Variants in NWD1 observed in about 807,000 individuals in gnomAD.
NWD1 encodes NACHT and WD repeat domain containing 1.
Under a neutral mutation model 135.1 loss-of-function variants are expected in NWD1, and 129 were observed. The ratio of observed to expected loss-of-function variants is 0.96; its 90% CI spans 0.83 to 1.11. The LOEUF (loss-of-function observed/expected upper bound fraction) is 1.11, where lower values mean the gene tolerates loss of function less well. Among genes scored for constraint, NWD1 ranks in the 50% least tolerant of loss-of-function variants. The probability of loss-of-function intolerance (pLI) is 0.00; values close to 1 mark genes in which losing one functional copy is unlikely to be tolerated. For missense variants in NWD1, 1,740 were observed against 1,851.3 expected, an observed-to-expected ratio of 0.94 and a Z score of 1.10; for synonymous variants, 773 against 786.0, an observed-to-expected ratio of 0.98 and a Z score of 0.28.
chr19:16,733,651 A>G (rs1967672142), intron 3 of NWD1, among the ~76,000 whole-genome samples: 1 of 152,150 alleles, frequency 6.6e-6, no homozygotes, highest in Non-Finnish European at 1.5e-5. Flanking sequence ...TCTGCCCACC[A>G]TTGATCATGA....
intron 4 of NWD1, among the ~76,000 whole-genome samples, chr19:16,743,778 G>C (rs1309607160): frequency 6.6e-6 from 1 of 151,906 alleles, no homozygotes; most frequent in South Asian, 2.1e-4. Flanking sequence ...CCTCTCCCGG[G>C]TTCAAGCAAT....
At chr19:16,750,457 C>CT (rs1568352140) in intron 6 of NWD1, 46 bp downstream of exon 6, 2 of 1,401,832 alleles carry the variant, frequency 1.4e-6, no homozygotes, top group South Asian at 1.5e-5. Flanking sequence ...TTTATGTTTT[C>CT]TTTTTTTATT....
chr19:16,752,869 C>T (rs556231546), intron 6 of NWD1, among the ~76,000 whole-genome samples: 37 of 152,080 alleles, frequency 2.4e-4, no homozygotes, highest in Non-Finnish European at 4.0e-4. Context: ...CGTGGTGGCT[C>T]ACACCTGTAG....
intron 5 of NWD1, among the ~76,000 whole-genome samples, chr19:16,746,068 T>C (rs188441126): frequency 1.7e-4 from 26 of 152,212 alleles, no homozygotes; most frequent in Admixed American, 1.5e-3. Context: ...ATCACATAAA[T>C]TGTTGACCAG....
chr19:16,762,144 G>A lies in NWD1; in HGVS notation c.2133+6G>A, dbSNP rs774000646. 4 of 1,610,368 alleles carry A rather than the reference G, an allele frequency of 2.5e-6. No individual in the cohort carries two copies. The Admixed American group carries it at 6.7e-5, about 27-fold the overall frequency. On this transcript the variant is annotated splice_donor_region_variant and intron_variant, in intron 8 of 18. Coordinates refer to ENST00000524140, the MANE Select transcript of NWD1 (RefSeq NM_001007525.5). ...CACTGAACTTGGACCGAAAGGTGAG[G>A]TACCTGGGACCCCCATTCCCCACCT...
At chr19:16,812,702 A>G (rs769484141) in intron 18 of NWD1, 6 of 779,514 alleles carry the variant, frequency 7.7e-6, no homozygotes, top group Non-Finnish European at 1.2e-5. Flanking sequence ...AAACAAACAA[A>G]AAACCCAAGA....
intron 18 of NWD1, chr19:16,812,858 A>G (rs768279885): frequency 6.4e-6 from 5 of 780,904 alleles, no homozygotes; most frequent in Non-Finnish European, 1.2e-5. Context: ...ATGGTGAGTC[A>G]TTTTGCTTTT....
intron 5 of NWD1, among the ~76,000 whole-genome samples, chr19:16,746,675 AC>A (rs144581856): frequency 0.095 from 12,138 of 128,080 alleles, 983 homozygotes; most frequent in African/African-American, 0.26. Context: ...CTGTCTAAAA[AC>A]AAAAAACAAA....
rs1971033751 is a variant in NWD1 at position 16,815,215 on chromosome 19, G to T, written c.*176G>T. The T allele has an allele frequency of 6.3e-6, 5 of 799,356 alleles. No homozygotes were observed. Among genetic ancestry groups the T allele is most frequent in the Non-Finnish European group, 1.1e-5 (5 of 434,868 alleles). The allele number at this position is 799,356 out of a possible 1,614,324, so 49.5% of individuals were successfully genotyped here. ...AGGCAATGTGGATGGTCAAATCCAGGCAGAGAGAGGAGCTAGTTGCAGCTG... is the reference window on the plus strand; with the variant it reads ...AGGCAATGTGGATGGTCAAATCCAGTCAGAGAGAGGAGCTAGTTGCAGCTG... On this transcript the variant is annotated 3_prime_UTR_variant, in exon 19 of 19. Coordinates refer to ENST00000524140, the MANE Select transcript of NWD1 (RefSeq NM_001007525.5).
At chr19:16,740,642 A>ATTTTTT (rs1162769783) in intron 4 of NWD1, among the ~76,000 whole-genome samples, 47 of 112,944 alleles carry the variant, frequency 4.2e-4, no homozygotes, top group African/African-American at 1.5e-3. Context: ...CCAGACTTCT[A>ATTTTTT]TTTTTTTTTT....
chr19:16,807,836 C>A lies in NWD1; in HGVS notation c.3987C>A (p.Ser1329=), dbSNP rs143908337. The A allele has an allele frequency of 1.3e-4, 203 of 1,614,178 alleles. 1 individual carries two copies. Among genetic ancestry groups the A allele is most frequent in the Middle Eastern group, 4.9e-4 (3 of 6,062 alleles). Residue 1329 remains serine (S), a synonymous_variant, in exon 18 of 19, where the codon TCC becomes TCA. Transcript: ENST00000524140. ...DNIVLVLDIT[S]GDPCPVIDGP... The stretch of plus-strand genomic sequence containing the variant: ...TCGTCCTGGTGCTGGACATCACCTC[C>A]GGGGACCCCTGCCCGGTCATCGATG...
rs1352487269 is a variant in NWD1 at position 16,759,328 on chromosome 19, C to T, written c.1873C>T (p.Arg625Cys). The change falls in exon 7 of 19, where the codon CGC (arginine) becomes TGC (cysteine). Residue 625 changes from arginine to cysteine, a missense_variant. Transcript: ENST00000524140. ...GACCCCGCCCAGCAAGGAGCTGCTG[C>T]GCTTCCCGCCCCTGCTGTGGGTGCG... ...DWTPPSKELL[R>C]FPPLLWVRLR... is the part of the protein sequence containing the mutation. 5 of 1,613,918 alleles carry T rather than the reference C, an allele frequency of 3.1e-6. No individual in the cohort carries two copies. The highest frequency in any genetic ancestry group is 4.2e-6 in the Non-Finnish European group (5 of 1,179,870).
At chr19:16,765,216 G>A in intron 10 of NWD1, 24 bp downstream of exon 10, 9 of 1,611,396 alleles carry the variant, frequency 5.6e-6, no homozygotes, top group Non-Finnish European at 7.6e-6. Context: ...GCCTGGATAG[G>A]AGTGACCAGG....
Position 16,744,504 on chromosome 19 carries a change from G to C in NWD1, c.282G>C (p.Leu94=). 6.5e-7 allele frequency: 1 copy of C among 1,536,070 alleles called. No individual in the cohort carries two copies. The highest frequency in any genetic ancestry group is 8.7e-7 in the Non-Finnish European group (1 of 1,146,872). The change falls in exon 5 of 19, where the codon CTG becomes CTC. Residue 94 remains leucine, a synonymous_variant. Transcript: ENST00000524140. ...AGTGGGAGGTATTGAGGGACCATCT[G>C]ACTGCCAGGCCAAGTGACCTGGAGC... ...EKEWEVLRDH[L]TARPSDLELV...
chr19:16,743,109 T>C (rs138574216), intron 4 of NWD1, among the ~76,000 whole-genome samples: 7,376 of 151,912 alleles, frequency 0.049, 269 homozygotes, highest in African/African-American at 0.092. Context: ...GGTTTCACCA[T>C]GTTGGCCAGA....
rs374057081 is a variant in NWD1, at chr19:16,731,424, A to G, written c.81+146A>G. The G allele has an allele frequency of 2.2e-4, 124 of 571,940 alleles. 1 individual carries two copies. In the South Asian group the frequency reaches 2.3e-3, roughly 11 times the overall value. The allele number at this position is 571,940 out of a possible 1,614,324, so 35.4% of individuals were successfully genotyped here. Reference sequence around the variant, plus strand: ...CGGGTTCAAGCGATTCTCCTGCCTCAGCCTCCTGAGTAGCTGGGACTACAG... The same window carrying G: ...CGGGTTCAAGCGATTCTCCTGCCTCGGCCTCCTGAGTAGCTGGGACTACAG... On this transcript the variant is annotated intron_variant, in intron 3 of 18. Coordinates refer to ENST00000524140, the MANE Select transcript of NWD1 (RefSeq NM_001007525.5).
At chr19:16,785,742 A>G (rs1416206427) in intron 12 of NWD1, among the ~76,000 whole-genome samples, 1 of 148,722 alleles carries the variant, frequency 6.7e-6, no homozygotes, top group African/African-American at 2.5e-5. Flanking sequence ...ATATACATAC[A>G]TGAAAGTATA....
chr19:16,729,577 TAA>T (rs537329853), intron 2 of NWD1, among the ~76,000 whole-genome samples: 31 of 124,890 alleles, frequency 2.5e-4, no homozygotes, highest in Non-Finnish European at 2.4e-4. Context: ...TTACAAAAAG[TAA>T]AAAAAAAAAA....
chr19:16,804,420 C>T (rs1464898823), intron 17 of NWD1, among the ~76,000 whole-genome samples: 2 of 151,806 alleles, frequency 1.3e-5, no homozygotes, highest in African/African-American at 4.8e-5. Flanking sequence ...CATAGTGAGA[C>T]CCCACCTCTA....
Sources: gnomAD v4.1 joint callset for allele counts (sites outside exome capture counted in the v4.1 genomes callset) on GRCh38, gnomAD v4.1.1 for gene constraint, MANE v1.5 for transcripts, NCBI Gene and HGNC (gene_info 2026-07-23, HGNC 2026-07-21) for gene names.